The following ESS2 variants were observed in gnomAD, a reference collection of about 807,000 sequenced individuals.
The protein encoded by ESS2 is ess-2 spliceosome associated protein.
ESS2 carries 31 observed loss-of-function variants against 52.0 expected under a neutral mutation model. The ratio of observed to expected loss-of-function variants is 0.60; its 90% CI spans 0.45 to 0.81. The LOEUF is 0.81. Ranked by LOEUF, ESS2 falls within the 30% of genes least tolerant of loss-of-function variation. The pLI is 0.00. For synonymous variants in ESS2, 285 were observed against 259.2 expected, an observed-to-expected ratio of 1.10 and a Z score of -0.95; for missense variants, 602 against 637.2, an observed-to-expected ratio of 0.94 and a Z score of 0.59.
chr22:19,142,953 T>C, intron 1 of ESS2, 59 bp from the exon 2 acceptor site: 3 of 1,532,320 alleles, frequency 2.0e-6, no homozygotes, highest in Non-Finnish European at 2.6e-6. Context: ...ACACCTGTAA[T>C]CCCAACACTT....
At chr22:19,141,717 G>A (rs2083689403) in intron 3 of ESS2, among the ~76,000 whole-genome samples, 2 of 152,222 alleles carry the variant, frequency 1.3e-5, no homozygotes. Flanking sequence ...GCCAGGCGCG[G>A]TGGCTCACAC....
At chr22:19,138,134 G>A in intron 7 of ESS2, 81 bp downstream of exon 7, 1 of 1,594,880 alleles carries the variant, frequency 6.3e-7, no homozygotes. Context: ...GAGGCCAGGA[G>A]TGGCCAGGGC....
intron 8 of ESS2, among the ~76,000 whole-genome samples, chr22:19,136,237 CTG>C: frequency 6.6e-6 from 1 of 150,952 alleles, no homozygotes; most frequent in Non-Finnish European, 1.5e-5. Flanking sequence ...TGGCACGCGC[CTG>C]TAGTCCCAGT....
Position 19,139,143 on chromosome 22 carries a change from T to TG in ESS2, c.822+15dup. ...TCCAACCTGGCCCATGCGGCCCTGC[T>TG]GACCCGCCTGCTCACCTGGGCATTG... On this transcript the variant is annotated intron_variant, in intron 6 of 9. Coordinates refer to ENST00000252137, the MANE Select transcript of ESS2 (RefSeq NM_022719.3). 4 of 1,574,926 alleles carry TG rather than the reference T, an allele frequency of 2.5e-6. No individual in the cohort carries two copies. Among genetic ancestry groups the TG allele is most frequent in the Admixed American group, 1.8e-5 (1 of 54,838 alleles).
Position 19,139,739 on chromosome 22 carries a change from C to T in ESS2, c.571-10G>A, listed in dbSNP as rs1430188954. 3 of 1,614,070 alleles carry T rather than the reference C, an allele frequency of 1.9e-6. No homozygotes were observed. Among genetic ancestry groups the T allele is most frequent in the Non-Finnish European group, 2.5e-6 (3 of 1,180,012 alleles). On this transcript the variant is annotated splice_polypyrimidine_tract_variant and intron_variant, in intron 4 of 9. Coordinates refer to ENST00000252137, the MANE Select transcript of ESS2 (RefSeq NM_022719.3). ...GATTATCTTTCTGCCTCTGCAATCACATGGGGAAAAGTGATGGTCAGAGAT... is the reference window on the plus strand; with the variant it reads ...GATTATCTTTCTGCCTCTGCAATCATATGGGGAAAAGTGATGGTCAGAGAT...
chr22:19,139,559 A>G, intron 5 of ESS2, 53 bp downstream of exon 5: 1 of 1,539,272 alleles, frequency 6.5e-7, no homozygotes, highest in Non-Finnish European at 9.0e-7. Flanking sequence ...ACAGCCAGAC[A>G]CACACAGCTC....
intron 7 of ESS2, 186 bp downstream of exon 7, chr22:19,138,029 A>G (rs1322362534): frequency 1.0e-6 from 1 of 985,100 alleles, no homozygotes; most frequent in Admixed American, 6.2e-5. Context: ...CAGCCCACCC[A>G]CGGCCCCAAG....
In ESS2 at chr22:19,134,394, G is replaced by A; in HGVS notation, c.1233C>T (p.Asp411=). 1 of 1,611,472 alleles carries A rather than the reference G, an allele frequency of 6.2e-7. No homozygotes were observed. Among genetic ancestry groups the A allele is most frequent in the Middle Eastern group, 1.7e-4 (1 of 6,042 alleles). ...LVSRTASKYT[D]RALRASYTPS... ...GTGTGTAGCTGGCCCGCAGGGCCCGGTCTGTGTACTTGCTGGCCGTCCTGC... is the reference window on the plus strand; with the variant it reads ...GTGTGTAGCTGGCCCGCAGGGCCCGATCTGTGTACTTGCTGGCCGTCCTGC... The change falls in exon 10 of 10, where the codon GAC becomes GAT. Residue 411 remains aspartate (D), a synonymous_variant. Coordinates refer to ENST00000252137, the MANE Select transcript of ESS2 (RefSeq NM_022719.3).
intron 7 of ESS2, 48 bp downstream of exon 7, chr22:19,138,167 C>T (rs201207388): frequency 6.2e-7 from 1 of 1,610,606 alleles, no homozygotes. Context: ...CCACCTCCCC[C>T]AGGGAGTCCC....
intron 8 of ESS2, among the ~76,000 whole-genome samples, chr22:19,136,503 T>A (rs553471483): frequency 6.6e-6 from 1 of 152,208 alleles, no homozygotes; most frequent in Non-Finnish European, 1.5e-5. Flanking sequence ...TTCTAAATAC[T>A]CTGCTATTCA....
Position 19,134,176 on chromosome 22 carries a change from A to G in ESS2, c.*20T>C. 1 of 1,490,966 alleles carries G rather than the reference A, an allele frequency of 6.7e-7. No individual in the cohort carries two copies. The allele number at this position is 1,490,966 out of a possible 1,614,324, so 92.4% of individuals were successfully genotyped here. A position where few individuals can be genotyped will look rare whatever the true frequency, so the allele number is the denominator to read the frequency against. On this transcript the variant is annotated 3_prime_UTR_variant, in exon 10 of 10. Coordinates refer to ENST00000252137, the MANE Select transcript of ESS2 (RefSeq NM_022719.3). The stretch of plus-strand genomic sequence containing the variant: ...CTGCAGGCTCTGTGAAGCGTCTATG[A>G]GCCCAGCCCAGGCCTGGCTCTAAAA...
intron 6 of ESS2, 77 bp downstream of exon 6, chr22:19,139,082 G>C: frequency 6.6e-7 from 1 of 1,512,984 alleles, no homozygotes; most frequent in Non-Finnish European, 8.8e-7. Flanking sequence ...AGCTCAAAGA[G>C]ATGGGAGAGA....
At chr22:19,135,259 G>C (rs2083562661) in intron 8 of ESS2, 84 bp from the exon 9 acceptor site, 3 of 1,093,988 alleles carry the variant, frequency 2.7e-6, no homozygotes, top group Non-Finnish European at 4.0e-6. Flanking sequence ...ACTGTGGTGG[G>C]TGCCAGCCTC....
At position 19,130,501 on chromosome 22, in the gene ESS2, GCC is replaced by G; in HGVS notation, c.*3693_*3694del. ...TGCTTGCTAAGTCCGATTAAAAGGG[GCC>G]CAGTGCCTTCAAGGCCTGTCTACTG... On this transcript the variant is annotated 3_prime_UTR_variant, in exon 10 of 10. Transcript: ENST00000252137. 1 of 351,724 alleles carries G rather than the reference GCC, an allele frequency of 2.8e-6. No homozygotes were observed. Among genetic ancestry groups the G allele is most frequent in the Non-Finnish European group, 5.4e-6 (1 of 186,318 alleles). The allele number at this position is 351,724 out of a possible 1,614,324, so 21.8% of individuals were successfully genotyped here.
intron 7 of ESS2, chr22:19,137,967 A>C (rs2083613281): frequency 1.0e-6 from 1 of 985,416 alleles, no homozygotes; most frequent in African/African-American, 1.7e-5. Context: ...AGTAAGGACC[A>C]GGACAGGACA....
intron 9 of ESS2, 111 bp from the exon 10 acceptor site, chr22:19,134,586 G>A: frequency 8.4e-7 from 1 of 1,186,038 alleles, no homozygotes; most frequent in East Asian, 2.7e-5. Flanking sequence ...CAGTCACTCT[G>A]AGCTGAGGAG....
chr22:19,131,958 C>G lies in ESS2; in HGVS notation c.*2238G>C, dbSNP rs749753119. 1.2e-6 allele frequency: 2 copies of G among 1,614,190 alleles called. No homozygotes were observed. Among genetic ancestry groups the G allele is most frequent in the Non-Finnish European group, 1.7e-6 (2 of 1,180,020 alleles). On this transcript the variant is annotated 3_prime_UTR_variant, in exon 10 of 10. Transcript: ENST00000252137. This position sits in a 1 kb window ranked among gnomAD's most constrained non-coding sequence, Gnocchi z 5.7. ...GGCAGCATATGCAGCCCCCGAGGTG[C>G]TGCAGAGCATCCCCTACCAGCCCAA... is the stretch of plus-strand genomic sequence containing the variant.
chr22:19,144,028 G>A, intron 1 of ESS2: 4 of 989,664 alleles, frequency 4.0e-6, no homozygotes, highest in Non-Finnish European at 3.6e-6. Context: ...AAGGTGTCCC[G>A]AATTAAACAG....
At position 19,137,354 on chromosome 22, in the gene ESS2, T is replaced by G. The variant is rs1463567466; in HGVS notation, c.1004A>C (p.Tyr335Ser). Residue 335 changes from tyrosine (Y) to serine (S), a missense_variant, in exon 8 of 10, where the codon TAC (tyrosine) becomes TCC (serine). Tyr to Ser is a moderately radical substitution (Grantham distance 144). Transcript: ENST00000252137. Reference sequence around the variant, plus strand: ...AGCTGGGCCGGGTGTCCTGTCCACGTAGGGCGTTTCCGACCCTTCAACTCT... The same window carrying G: ...AGCTGGGCCGGGTGTCCTGTCCACGGAGGGCGTTTCCGACCCTTCAACTCT... ...PLRVEGSETP[Y>S]VDRTPGPAFK... is the part of the protein sequence containing the mutation. 6.2e-7 allele frequency: 1 copy of G among 1,613,714 alleles called. No individual in the cohort carries two copies. The highest frequency in any genetic ancestry group is 1.7e-5 in the Admixed American group (1 of 59,958).
Sources: allele counts gnomAD v4.1 joint callset (sites outside exome capture counted in the v4.1 genomes callset), GRCh38; gene constraint gnomAD v4.1.1; non-coding constraint Gnocchi (gnomAD v3.1); transcripts MANE v1.5; gene names NCBI Gene and HGNC (gene_info 2026-07-23, HGNC 2026-07-21).